PLCXD3: variants seen among roughly 807,000 people sequenced by gnomAD.
PLCXD3 encodes the protein PI-PLC X domain-containing protein 3.
Under a neutral mutation model 25.5 loss-of-function variants are expected in PLCXD3, and 19 were observed. The ratio of observed to expected loss-of-function variants is 0.75; its 90% CI spans 0.52 to 1.09. The LOEUF (loss-of-function observed/expected upper bound fraction) is 1.09, where lower values mean the gene tolerates loss of function less well. Ranked by LOEUF, PLCXD3 falls within the 50% of genes least tolerant of loss-of-function variation. The probability of loss-of-function intolerance (pLI) is 0.00; values close to 1 mark genes in which losing one functional copy is unlikely to be tolerated. For synonymous variants in PLCXD3, 174 were observed against 137.6 expected, an observed-to-expected ratio of 1.26 and a Z score of -1.85; for missense variants, 411 against 388.1, an observed-to-expected ratio of 1.06 and a Z score of -0.50.
intron 2 of PLCXD3, among the ~76,000 whole-genome samples, chr5:41,353,579 G>A (rs1301417900): frequency 1.3e-5 from 2 of 152,108 alleles, no homozygotes; most frequent in African/African-American, 4.8e-5. Context: ...TATATGCCAG[G>A]AATTGTTCTA....
At chr5:41,340,046 G>A (rs139486554) in intron 2 of PLCXD3, among the ~76,000 whole-genome samples, 9 of 152,236 alleles carry the variant, frequency 5.9e-5, no homozygotes, top group African/African-American at 2.2e-4. Context: ...ATGTGTTTCT[G>A]GAATCTCAGT....
chr5:41,397,459 G>T (rs1022115908), intron 1 of PLCXD3, among the ~76,000 whole-genome samples: 2 of 152,212 alleles, frequency 1.3e-5, no homozygotes, highest in Non-Finnish European at 2.9e-5. Context: ...TTCAGAGGAT[G>T]TATGAAAACA....
intron 1 of PLCXD3, among the ~76,000 whole-genome samples, chr5:41,421,700 C>G (rs1746831592): frequency 6.6e-6 from 1 of 151,884 alleles, no homozygotes; most frequent in East Asian, 1.9e-4. Context: ...GACTCCTTCT[C>G]AAAAAAACAA....
intron 1 of PLCXD3, among the ~76,000 whole-genome samples, chr5:41,414,111 T>C (rs1746634462): frequency 2.0e-5 from 3 of 152,212 alleles, no homozygotes; most frequent in Non-Finnish European, 2.9e-5. Context: ...TACTATACTA[T>C]AGCCCAGTGA....
chr5:41,374,025 C>A (rs937094980), intron 2 of PLCXD3, among the ~76,000 whole-genome samples: 1 of 151,918 alleles, frequency 6.6e-6, no homozygotes, highest in Non-Finnish European at 1.5e-5. Flanking sequence ...TCTGGCAGGC[C>A]CTGTGGGTAG....
chr5:41,315,187 C>A (rs995637526), intron 2 of PLCXD3, among the ~76,000 whole-genome samples: 1 of 152,110 alleles, frequency 6.6e-6, no homozygotes, highest in Admixed American at 6.6e-5. Flanking sequence ...ACTACTATAA[C>A]TTGGTCAGGG....
intron 1 of PLCXD3, among the ~76,000 whole-genome samples, chr5:41,448,303 G>A (rs1747551529): frequency 1.3e-5 from 2 of 152,180 alleles, no homozygotes; most frequent in South Asian, 4.1e-4. Context: ...ACCTGCTCTT[G>A]AATAGGAGAT....
chr5:41,407,294 C>A (rs958722291), intron 1 of PLCXD3, among the ~76,000 whole-genome samples: 1 of 152,040 alleles, frequency 6.6e-6, no homozygotes, highest in Non-Finnish European at 1.5e-5. Flanking sequence ...ATAAAATACA[C>A]AGATTATGAA....
intron 2 of PLCXD3, among the ~76,000 whole-genome samples, chr5:41,348,513 A>T (rs756326022): frequency 1.3e-5 from 2 of 152,220 alleles, no homozygotes; most frequent in Non-Finnish European, 2.9e-5. Context: ...AATTAACAAG[A>T]CAAGGAAGCT....
At chr5:41,388,605 C>T (rs189266570) in intron 1 of PLCXD3, among the ~76,000 whole-genome samples, 2 of 152,008 alleles carry the variant, frequency 1.3e-5, no homozygotes, top group Admixed American at 6.6e-5. Flanking sequence ...CCAAAATAGA[C>T]ATGTGGTTTT....
chr5:41,341,272 T>A (rs1314824070), intron 2 of PLCXD3, among the ~76,000 whole-genome samples: 1 of 152,190 alleles, frequency 6.6e-6, no homozygotes, highest in Non-Finnish European at 1.5e-5. Flanking sequence ...GCCATGCTAA[T>A]GTCCAGAGTG....
chr5:41,459,631 C>T (rs1049873064), intron 1 of PLCXD3, among the ~76,000 whole-genome samples: 12 of 151,756 alleles, frequency 7.9e-5, no homozygotes, highest in Admixed American at 2.0e-4. Flanking sequence ...GGCCTCAGAA[C>T]TGCCAACTAG....
At chr5:41,469,430 C>G (rs1486323093) in intron 1 of PLCXD3, among the ~76,000 whole-genome samples, 1 of 151,196 alleles carries the variant, frequency 6.6e-6, no homozygotes, top group East Asian at 1.9e-4. Flanking sequence ...AGCTTCAAAA[C>G]ATTTAATATT....
At chr5:41,478,400 C>G (rs930189506) in intron 1 of PLCXD3, among the ~76,000 whole-genome samples, 3 of 152,166 alleles carry the variant, frequency 2.0e-5, no homozygotes, top group African/African-American at 7.2e-5. Flanking sequence ...ACAGAGTTAA[C>G]ATCTAGATTT....
intron 1 of PLCXD3, chr5:41,475,698 A>G (rs756454553): frequency 1.9e-6 from 1 of 534,772 alleles, no homozygotes; most frequent in East Asian, 5.5e-5. Flanking sequence ...ATTTGAGACC[A>G]TCACTACGAC....
chr5:41,449,554 G>T (rs574129293), intron 1 of PLCXD3, among the ~76,000 whole-genome samples: 1 of 152,106 alleles, frequency 6.6e-6, no homozygotes, highest in African/African-American at 2.4e-5. Flanking sequence ...TATTTGAAAG[G>T]TGATCATAAA....
At chr5:41,374,311 G>A (rs551946012) in intron 2 of PLCXD3, among the ~76,000 whole-genome samples, 25 of 152,186 alleles carry the variant, frequency 1.6e-4, no homozygotes, top group African/African-American at 5.1e-4. Flanking sequence ...ATTTCCATAA[G>A]AGCATTCCAG....
At chr5:41,456,790 G>A (rs1012399558) in intron 1 of PLCXD3, among the ~76,000 whole-genome samples, 1 of 151,886 alleles carries the variant, frequency 6.6e-6, no homozygotes, top group Non-Finnish European at 1.5e-5. Context: ...CAAACAGGAA[G>A]CAGCCTCTCA....
At chr5:41,452,615 C>T (rs968703386) in intron 1 of PLCXD3, among the ~76,000 whole-genome samples, 3 of 152,042 alleles carry the variant, frequency 2.0e-5, no homozygotes, top group African/African-American at 7.2e-5. Context: ...GATGCAAAGG[C>T]AGGGCTACAA....
Sources: gnomAD v4.1 joint callset for allele counts (sites outside exome capture counted in the v4.1 genomes callset) on GRCh38, gnomAD v4.1.1 for gene constraint, MANE v1.5 for transcripts, NCBI Gene and HGNC (gene_info 2026-07-23, HGNC 2026-07-21) for gene names.